The following PTPRD variants were observed in gnomAD, a reference collection of about 807,000 sequenced individuals.
PTPRD encodes the protein protein tyrosine phosphatase receptor type D, also known as receptor-type tyrosine-protein phosphatase delta.
Under a neutral mutation model 214.5 loss-of-function variants are expected in PTPRD, and 34 were observed. The ratio of observed to expected loss-of-function variants is 0.16; its 90% CI spans 0.12 to 0.21. PTPRD has a LOEUF of 0.21. PTPRD is among the 10% of genes least tolerant of loss of function. PTPRD has a pLI of 1.00. For synonymous variants in PTPRD, 1,128 were observed against 845.7 expected (o/e 1.33, Z -5.79); for missense variants, 2,545 against 2,398.7 (o/e 1.06, Z -1.27).
intron 27 of PTPRD, among the ~76,000 whole-genome samples, chr9:8,492,553 C>T (rs2097171575): frequency 7.0e-6 from 1 of 142,342 alleles, no homozygotes; most frequent in Admixed American, 7.3e-5. Flanking sequence ...GATTCTTGTT[C>T]TGTTTTGTTG....
intron 11 of PTPRD, among the ~76,000 whole-genome samples, chr9:8,779,512 C>T (rs898001882): frequency 3.3e-5 from 5 of 152,050 alleles, no homozygotes. Context: ...GAATGTAAAG[C>T]TAGCATTCAC....
chr9:8,515,396 TTCCC>T, intron 21 of PTPRD, among the ~76,000 whole-genome samples: 1 of 152,268 alleles, frequency 6.6e-6, no homozygotes, highest in East Asian at 1.9e-4. Flanking sequence ...TACAAAATGT[TTCCC>T]TCCATTATCT....
chr9:10,252,043 T>C (rs920492522), intron 3 of PTPRD, among the ~76,000 whole-genome samples: 2 of 152,106 alleles, frequency 1.3e-5, no homozygotes, highest in African/African-American at 4.8e-5. Flanking sequence ...ATTAGCCTGA[T>C]TTGCTCATTC....
intron 2 of PTPRD, among the ~76,000 whole-genome samples, chr9:10,446,083 C>T (rs1210222394): frequency 6.6e-6 from 1 of 151,946 alleles, no homozygotes; most frequent in East Asian, 1.9e-4. Flanking sequence ...CAAATTCAAG[C>T]CCACATGTTC....
rs150340955 is a variant in PTPRD at position 9,004,270 on chromosome 9, A to G, written c.-104+14427T>C. On this transcript the variant is annotated intron_variant, in intron 11 of 45. Coordinates refer to ENST00000381196, the MANE Select transcript of PTPRD (RefSeq NM_002839.4). ...TTTTAAATTTTAAGAATATGCCACA[A>G]AAAGATTTGAAATATCTCCAAGGTA... Among the ~76,000 whole-genome samples, 100 of 152,194 alleles carry G rather than the reference A, an allele frequency of 6.6e-4. 2 individuals carry two copies. Among genetic ancestry groups the G allele is most frequent in the African/African-American group, 2.3e-3 (97 of 41,546 alleles).
intron 10 of PTPRD, among the ~76,000 whole-genome samples, chr9:9,092,926 A>G (rs1016708104): frequency 1.3e-5 from 2 of 152,076 alleles, no homozygotes; most frequent in Admixed American, 6.5e-5. Context: ...ACTCTATTAT[A>G]TGCTATTGAC....
chr9:9,004,698 G>C (rs979363443), intron 11 of PTPRD, among the ~76,000 whole-genome samples: 3 of 152,018 alleles, frequency 2.0e-5, no homozygotes, highest in African/African-American at 7.2e-5. Flanking sequence ...TGCCTGCGGA[G>C]GGCAAAACTG....
intron 37 of PTPRD, among the ~76,000 whole-genome samples, chr9:8,380,586 C>A (rs1016468156): frequency 6.6e-6 from 1 of 152,132 alleles, no homozygotes; most frequent in Non-Finnish European, 1.5e-5. Context: ...AACAGGGTGA[C>A]CATTGCTAAA....
At chr9:10,568,143 T>A (rs1229458271) in intron 2 of PTPRD, among the ~76,000 whole-genome samples, 3 of 114,996 alleles carry the variant, frequency 2.6e-5, no homozygotes, top group Admixed American at 1.2e-4. Context: ...CAGTCCCCAG[T>A]GTGTGATGTT....
At chr9:10,160,855 G>A (rs2099123227) in intron 3 of PTPRD, among the ~76,000 whole-genome samples, 1 of 151,936 alleles carries the variant, frequency 6.6e-6, no homozygotes, top group East Asian at 1.9e-4. Context: ...AGTTAGAACT[G>A]ATAAATTCAG....
At chr9:9,516,844 C>T (rs2096850816) in intron 8 of PTPRD, among the ~76,000 whole-genome samples, 1 of 151,950 alleles carries the variant, frequency 6.6e-6, no homozygotes, top group South Asian at 2.1e-4. Context: ...TTATTTTAGG[C>T]TTCTGGAAGT....
chr9:8,953,126 G>A (rs1351090388), intron 11 of PTPRD, among the ~76,000 whole-genome samples: 1 of 151,804 alleles, frequency 6.6e-6, no homozygotes, highest in Non-Finnish European at 1.5e-5. Context: ...TGTGCAGGAT[G>A]CTATGGGAAC....
intron 11 of PTPRD, among the ~76,000 whole-genome samples, chr9:8,790,808 C>T (rs1599871249): frequency 6.7e-6 from 1 of 148,858 alleles, no homozygotes; most frequent in Non-Finnish European, 1.5e-5. Context: ...AAATGTTGTA[C>T]TTTATTCTAT....
chr9:8,548,393 G>T (rs553668240), intron 14 of PTPRD, among the ~76,000 whole-genome samples: 34 of 151,694 alleles, frequency 2.2e-4, no homozygotes, highest in Middle Eastern at 3.4e-3. Context: ...TTTGAGAGAG[G>T]TGTTCACTCT....
At chr9:8,695,070 C>T (rs188977324) in intron 12 of PTPRD, among the ~76,000 whole-genome samples, 11 of 152,260 alleles carry the variant, frequency 7.2e-5, no homozygotes, top group East Asian at 1.9e-4. Flanking sequence ...TTTTCCCATC[C>T]GTCTGTCCCC....
At chr9:10,502,213 G>A (rs899810696) in intron 2 of PTPRD, among the ~76,000 whole-genome samples, 3 of 151,612 alleles carry the variant, frequency 2.0e-5, no homozygotes, top group Non-Finnish European at 4.4e-5. Flanking sequence ...TTAAAAAGAT[G>A]AAGAAGAAAA....
chr9:9,687,035 C>G (rs924359779), intron 7 of PTPRD, among the ~76,000 whole-genome samples: 1 of 151,720 alleles, frequency 6.6e-6, no homozygotes, highest in African/African-American at 2.4e-5. Flanking sequence ...TTATTAATTT[C>G]TCTATCCCAG....
chr9:9,835,624 G>C (rs1447092403), intron 5 of PTPRD, among the ~76,000 whole-genome samples: 1 of 152,086 alleles, frequency 6.6e-6, no homozygotes, highest in Non-Finnish European at 1.5e-5. Context: ...GCCTGCACTG[G>C]AATTTGACAG....
intron 2 of PTPRD, among the ~76,000 whole-genome samples, chr9:10,381,129 A>T (rs1017908481): frequency 2.6e-5 from 4 of 151,676 alleles, no homozygotes; most frequent in Admixed American, 2.6e-4. Flanking sequence ...AGTAACCCAA[A>T]CCCTGTATTA....
Sources: allele counts gnomAD v4.1 joint callset (sites outside exome capture counted in the v4.1 genomes callset), GRCh38; gene constraint gnomAD v4.1.1; transcripts MANE v1.5; gene names NCBI Gene and HGNC (gene_info 2026-07-23, HGNC 2026-07-21).